Variants in THRB observed in about 807,000 individuals in gnomAD.
The protein encoded by THRB is nuclear receptor subfamily 1 group A member 2.
THRB carries 12 observed loss-of-function variants against 47.8 expected under a neutral mutation model. The ratio of observed to expected loss-of-function variants is 0.25; its 90% CI spans 0.16 to 0.41. The LOEUF (loss-of-function observed/expected upper bound fraction) is 0.41, where lower values mean the gene tolerates loss of function less well. Ranked by LOEUF, THRB falls within the 10% of genes least tolerant of loss-of-function variation. The pLI, the probability that THRB is intolerant of heterozygous loss-of-function variation, is 1.00. For missense variants in THRB, 348 were observed against 589.2 expected (o/e 0.59, Z 4.24); for synonymous variants, 218 against 212.2 (o/e 1.03, Z -0.24).
chr3:24,477,572 A>T (rs1439003565), intron 1 of THRB, among the ~76,000 whole-genome samples: 2 of 152,114 alleles, frequency 1.3e-5, no homozygotes, highest in Non-Finnish European at 2.9e-5. Context: ...CTCTTGAGAA[A>T]CGAGGATATG....
intron 4 of THRB, among the ~76,000 whole-genome samples, chr3:24,226,107 T>C (rs1249800450): frequency 1.3e-5 from 2 of 152,200 alleles, no homozygotes; most frequent in Non-Finnish European, 2.9e-5. Context: ...CCTGTTCTGT[T>C]TGAGGAAAAT....
intron 2 of THRB, among the ~76,000 whole-genome samples, chr3:24,304,641 A>C (rs1418851378): frequency 6.6e-6 from 1 of 152,156 alleles, no homozygotes; most frequent in Non-Finnish European, 1.5e-5. Context: ...ACAAAAATGT[A>C]AACCTAAATA....
At chr3:24,133,564 G>A (rs887642184) in intron 8 of THRB, 102 bp from the exon 9 acceptor site, 39 of 1,062,378 alleles carry the variant, frequency 3.7e-5, no homozygotes, top group Middle Eastern at 2.0e-4. Flanking sequence ...CTGATATCCT[G>A]TACAGTTTCC....
At chr3:24,299,707 A>G (rs931132187) in intron 2 of THRB, among the ~76,000 whole-genome samples, 2 of 150,642 alleles carry the variant, frequency 1.3e-5, no homozygotes, top group Non-Finnish European at 1.5e-5. Flanking sequence ...ATTTATCATC[A>G]GTACATCTGA....
intron 2 of THRB, among the ~76,000 whole-genome samples, chr3:24,315,004 G>A (rs990761970): frequency 6.6e-6 from 1 of 152,072 alleles, no homozygotes; most frequent in Non-Finnish European, 1.5e-5. Context: ...CCCTGCCCCC[G>A]ACGGAAAAGC....
intron 1 of THRB, among the ~76,000 whole-genome samples, chr3:24,422,591 G>C (rs2069369246): frequency 1.3e-5 from 2 of 151,880 alleles, no homozygotes; most frequent in African/African-American, 2.4e-5. Context: ...CTGGCAAAAT[G>C]GGAGCTAAAA....
intron 10 of THRB, among the ~76,000 whole-genome samples, chr3:24,125,899 T>C (rs532490479): frequency 1.4e-4 from 21 of 152,264 alleles, no homozygotes; most frequent in African/African-American, 4.8e-4. Flanking sequence ...TTATCCAAGG[T>C]GTGAACATTA....
chr3:24,192,301 G>T (rs1336062371), intron 4 of THRB, among the ~76,000 whole-genome samples: 2 of 152,088 alleles, frequency 1.3e-5, no homozygotes, highest in Admixed American at 1.3e-4. Context: ...GTTACTGGGG[G>T]CAGGGGTTAA....
chr3:24,457,771 C>T (rs551922760), intron 1 of THRB, among the ~76,000 whole-genome samples: 1 of 152,246 alleles, frequency 6.6e-6, no homozygotes, highest in South Asian at 2.1e-4. Context: ...AACCAAGAAA[C>T]ATCAATAGAT....
intron 1 of THRB, among the ~76,000 whole-genome samples, chr3:24,481,366 G>A (rs1696391176): frequency 2.0e-5 from 3 of 150,994 alleles, no homozygotes; most frequent in African/African-American, 7.3e-5. Context: ...CTGAGGACAC[G>A]CGGTTGCTCA....
intron 2 of THRB, among the ~76,000 whole-genome samples, chr3:24,333,070 C>T (rs997885974): frequency 2.0e-5 from 3 of 151,888 alleles, no homozygotes; most frequent in African/African-American, 4.8e-5. Flanking sequence ...GGTGACAGAG[C>T]GAGATTCCAT....
chr3:24,283,741 G>A (rs1302227190), intron 3 of THRB, among the ~76,000 whole-genome samples: 11 of 151,668 alleles, frequency 7.3e-5, no homozygotes, highest in African/African-American at 2.4e-4. Flanking sequence ...CAAAGTCTCA[G>A]GATACAAAAT....
At chr3:24,328,822 A>G (rs544265731) in intron 2 of THRB, among the ~76,000 whole-genome samples, 1 of 152,260 alleles carries the variant, frequency 6.6e-6, no homozygotes, top group African/African-American at 2.4e-5. Context: ...TGGATCAAAC[A>G]ATTACTTTGT....
At chr3:24,274,241 G>T (rs1389107352) in intron 3 of THRB, among the ~76,000 whole-genome samples, 2 of 152,090 alleles carry the variant, frequency 1.3e-5, no homozygotes, top group Non-Finnish European at 2.9e-5. Flanking sequence ...TGTATCACTT[G>T]CCATGAATAG....
At chr3:24,317,593 G>T (rs536484691) in intron 2 of THRB, among the ~76,000 whole-genome samples, 1 of 152,068 alleles carries the variant, frequency 6.6e-6, no homozygotes, top group African/African-American at 2.4e-5. Flanking sequence ...ACTGGCTAGG[G>T]TGTTGGGTCT....
chr3:24,436,846 T>G (rs146367981), intron 1 of THRB, among the ~76,000 whole-genome samples: 42 of 152,230 alleles, frequency 2.8e-4, no homozygotes, highest in African/African-American at 9.9e-4. Context: ...TCTCTTCACA[T>G]GATGATCAAA....
intron 3 of THRB, among the ~76,000 whole-genome samples, chr3:24,282,974 A>G (rs945976898): frequency 6.6e-6 from 1 of 151,982 alleles, no homozygotes; most frequent in Non-Finnish European, 1.5e-5. Flanking sequence ...CCAGGACCAG[A>G]TGGATTCACA....
rs148479696 is a variant in THRB at position 24,289,999 on chromosome 3, T to C, written c.-43+7227A>G. ...TGCCTAGCTCCTCTCTTCTGATTTT[T>C]AACTGTGGCAGACAACATTTACTCT... On this transcript the variant is annotated intron_variant, in intron 3 of 10. Coordinates refer to ENST00000646209, the MANE Select transcript of THRB (RefSeq NM_001354712.2). Among the ~76,000 whole-genome samples the C allele has an allele frequency of 1.7e-3, 262 of 152,322 alleles. 1 individual carries two copies. Among genetic ancestry groups the C allele is most frequent in the Middle Eastern group, 0.014 (4 of 294 alleles).
chr3:24,385,798 T>C (rs570961806), intron 1 of THRB, among the ~76,000 whole-genome samples: 8 of 152,242 alleles, frequency 5.3e-5, no homozygotes, highest in African/African-American at 9.6e-5. Flanking sequence ...ATAGAGCTTC[T>C]AGAAAATTTC....
Sources: gnomAD v4.1 joint callset for allele counts (sites outside exome capture counted in the v4.1 genomes callset) on GRCh38, gnomAD v4.1.1 for gene constraint, MANE v1.5 for transcripts, NCBI Gene and HGNC (gene_info 2026-07-23, HGNC 2026-07-21) for gene names.